INPP4B: variants seen among roughly 807,000 people sequenced by gnomAD.
INPP4B encodes the protein inositol polyphosphate 4-phosphatase type II.
A neutral mutation model predicts 122.5 loss-of-function variants in INPP4B; 55 were observed. The ratio of observed to expected loss-of-function variants is 0.45; its 90% CI spans 0.36 to 0.56. The LOEUF is 0.56. Among genes scored for constraint, INPP4B ranks in the 20% least tolerant of loss-of-function variants. The pLI is 0.00. For synonymous variants in INPP4B, 403 were observed against 388.7 expected, an observed-to-expected ratio of 1.04 and a Z score of -0.43; for missense variants, 1,000 against 1,097.7, an observed-to-expected ratio of 0.91 and a Z score of 1.26.
intron 21 of INPP4B, among the ~76,000 whole-genome samples, chr4:142,117,820 G>T (rs1195970815): frequency 2.0e-5 from 3 of 152,114 alleles, no homozygotes; most frequent in Admixed American, 6.6e-5. Flanking sequence ...AGGAAATAAA[G>T]GGTATTCAAT....
chr4:142,730,465 C>G (rs1580790992), intron 1 of INPP4B, among the ~76,000 whole-genome samples: 1 of 152,164 alleles, frequency 6.6e-6, no homozygotes, highest in Admixed American at 6.5e-5. Flanking sequence ...TGTCTAACAG[C>G]TGCCACGTTG....
chr4:142,309,039 GA>G (rs144089971), intron 8 of INPP4B, among the ~76,000 whole-genome samples: 1 of 151,950 alleles, frequency 6.6e-6, no homozygotes, highest in Non-Finnish European at 1.5e-5. Flanking sequence ...CTTAGTTGCT[GA>G]AAAAAATGCC....
chr4:142,250,607 C>A (rs1422244919), intron 11 of INPP4B, among the ~76,000 whole-genome samples: 5 of 152,162 alleles, frequency 3.3e-5, no homozygotes, highest in African/African-American at 1.2e-4. Context: ...TATATCTGCA[C>A]AATGCACCTT....
intron 25 of INPP4B, among the ~76,000 whole-genome samples, chr4:142,074,145 C>T (rs1769168938): frequency 6.6e-6 from 1 of 152,044 alleles, no homozygotes; most frequent in Non-Finnish European, 1.5e-5. Context: ...AAAAAATGCA[C>T]CACTCCTGAA....
chr4:142,479,486 T>C (rs1820220997), intron 2 of INPP4B, among the ~76,000 whole-genome samples: 1 of 152,116 alleles, frequency 6.6e-6, no homozygotes, highest in African/African-American at 2.4e-5. Context: ...ATATAAATTA[T>C]TCTACGATAA....
At chr4:142,432,239 G>T (rs1409009766) in intron 3 of INPP4B, among the ~76,000 whole-genome samples, 1 of 152,018 alleles carries the variant, frequency 6.6e-6, no homozygotes, top group African/African-American at 2.4e-5. Flanking sequence ...TTAAATGTCT[G>T]CCCAATGCCG....
At chr4:142,444,340 T>C (rs1191874709) in intron 3 of INPP4B, among the ~76,000 whole-genome samples, 1 of 152,128 alleles carries the variant, frequency 6.6e-6, no homozygotes, top group African/African-American at 2.4e-5. Context: ...TCAAAAAGTG[T>C]GGGCGTAGGA....
intron 2 of INPP4B, among the ~76,000 whole-genome samples, chr4:142,715,117 C>A (rs924959734): frequency 6.6e-6 from 1 of 152,100 alleles, no homozygotes; most frequent in Non-Finnish European, 1.5e-5. Flanking sequence ...TAAGAGAGAC[C>A]AAATCCTTTT....
intron 1 of INPP4B, among the ~76,000 whole-genome samples, chr4:142,779,482 G>A (rs751268496): frequency 1.3e-5 from 2 of 152,076 alleles, no homozygotes; most frequent in Non-Finnish European, 2.9e-5. Context: ...AGTGATACAT[G>A]TACTATCTTA....
chr4:142,426,000 C>T (rs1407224335), intron 5 of INPP4B, among the ~76,000 whole-genome samples: 2 of 147,314 alleles, frequency 1.4e-5, no homozygotes, highest in African/African-American at 4.8e-5. Flanking sequence ...ATTTCAAGAA[C>T]ATTACTTCAG....
In INPP4B at chr4:142,027,239, G is replaced by A. The variant is rs944715014; in HGVS notation, c.*1543C>T. The A allele has an allele frequency of 2.0e-5, 3 of 152,114 alleles. No homozygotes were observed. Among genetic ancestry groups the A allele is most frequent in the Non-Finnish European group, 4.4e-5 (3 of 68,022 alleles). 9.4% of individuals were successfully genotyped at this position (152,114 alleles called of 1,614,324 possible). A position where few individuals can be genotyped will look rare whatever the true frequency, so the allele number is the denominator to read the frequency against. ...AATTCTAGTATAAAAAGCTCCAAATGCTTATCTAAAATTTGTAGTAATTTG... is the reference window on the plus strand; with the variant it reads ...AATTCTAGTATAAAAAGCTCCAAATACTTATCTAAAATTTGTAGTAATTTG... On this transcript the variant is annotated 3_prime_UTR_variant, in exon 26 of 26. Transcript: ENST00000262992.
intron 1 of INPP4B, among the ~76,000 whole-genome samples, chr4:142,838,631 G>A (rs541539360): frequency 6.6e-6 from 1 of 152,108 alleles, no homozygotes; most frequent in Non-Finnish European, 1.5e-5. Context: ...TATATAACTT[G>A]CAAGTATAAA....
chr4:142,294,829 CA>C (rs57430432), intron 9 of INPP4B, among the ~76,000 whole-genome samples: 3,972 of 28,330 alleles, frequency 0.14, 224 homozygotes, highest in African/African-American at 0.22. Flanking sequence ...GACTCCGTCT[CA>C]AAAAAAAAAA....
chr4:142,700,581 A>G (rs887269389), intron 2 of INPP4B, among the ~76,000 whole-genome samples: 1 of 152,180 alleles, frequency 6.6e-6, no homozygotes, highest in Non-Finnish European at 1.5e-5. Context: ...TCTTTTGGGA[A>G]AGAAAAGAGC....
chr4:142,724,302 C>T (rs1254410620), intron 2 of INPP4B, among the ~76,000 whole-genome samples: 1 of 152,060 alleles, frequency 6.6e-6, no homozygotes, highest in African/African-American at 2.4e-5. Flanking sequence ...CACATAAATG[C>T]AACCTGGAGA....
intron 2 of INPP4B, among the ~76,000 whole-genome samples, chr4:142,700,175 G>A (rs952145455): frequency 6.6e-6 from 1 of 151,936 alleles, no homozygotes; most frequent in Non-Finnish European, 1.5e-5. Flanking sequence ...TCAAAAGTCT[G>A]ATGATGCCAA....
At chr4:142,248,760 G>A (rs1013994236) in intron 11 of INPP4B, among the ~76,000 whole-genome samples, 5 of 151,764 alleles carry the variant, frequency 3.3e-5, no homozygotes, top group African/African-American at 7.3e-5. Flanking sequence ...GAAATCTCAG[G>A]GGCACATTCA....
At chr4:142,056,041 T>A (rs1757505708) in intron 25 of INPP4B, among the ~76,000 whole-genome samples, 1 of 151,936 alleles carries the variant, frequency 6.6e-6, no homozygotes, top group Admixed American at 6.6e-5. Flanking sequence ...GCACGTAGCC[T>A]AGATTCCTCG....
chr4:142,565,905 A>G (rs1324470987), intron 2 of INPP4B: 1 of 152,314 alleles, frequency 6.6e-6, no homozygotes, highest in South Asian at 2.1e-4. Flanking sequence ...AATATGAGAA[A>G]ACATCAGAGG....
Sources: gnomAD v4.1 joint callset for allele counts (sites outside exome capture counted in the v4.1 genomes callset) on GRCh38, gnomAD v4.1.1 for gene constraint, MANE v1.5 for transcripts, NCBI Gene and HGNC (gene_info 2026-07-23, HGNC 2026-07-21) for gene names.